The following KLHL29 variants were observed in gnomAD, a reference collection of about 807,000 sequenced individuals.
KLHL29 encodes the protein kelch like family member 29.
A neutral mutation model predicts 80.4 loss-of-function variants in KLHL29; 21 were observed. That is an observed-to-expected ratio of 0.26 (90% CI 0.19 to 0.38). KLHL29 has a LOEUF of 0.38. Ranked by LOEUF, KLHL29 falls within the 10% of genes least tolerant of loss-of-function variation. KLHL29 has a pLI of 1.00. For synonymous variants in KLHL29, 511 were observed against 526.8 expected (o/e 0.97, Z 0.41); for missense variants, 867 against 1,223.9 (o/e 0.71, Z 4.35).
chr2:23,679,459 A>G (rs957223298), intron 5 of KLHL29, among the ~76,000 whole-genome samples: 3 of 152,190 alleles, frequency 2.0e-5, no homozygotes, highest in Non-Finnish European at 4.4e-5. Flanking sequence ...AAAGCTTCTT[A>G]AGGCCGTGAC....
At chr2:23,651,685 C>T (rs1039420191) in intron 5 of KLHL29, among the ~76,000 whole-genome samples, 2 of 152,196 alleles carry the variant, frequency 1.3e-5, no homozygotes, top group African/African-American at 4.8e-5. Flanking sequence ...CAAAATGCCA[C>T]AAATTGGGTG....
chr2:23,628,381 T>C (rs1544822), intron 3 of KLHL29, among the ~76,000 whole-genome samples: 53,911 of 151,958 alleles, frequency 0.35, 10,392 homozygotes, highest in East Asian at 0.64. Flanking sequence ...GGGAAGGCCA[T>C]AGGGGGCAGA....
At chr2:23,496,286 C>G (rs1665264105) in intron 2 of KLHL29, among the ~76,000 whole-genome samples, 1 of 152,184 alleles carries the variant, frequency 6.6e-6, no homozygotes, top group Non-Finnish European at 1.5e-5. Context: ...ATGGTATTTT[C>G]AGAATAAGAT....
intron 2 of KLHL29, among the ~76,000 whole-genome samples, chr2:23,482,227 C>T (rs1190408858): frequency 1.3e-5 from 2 of 152,210 alleles, no homozygotes; most frequent in Non-Finnish European, 2.9e-5. Flanking sequence ...GGCGCACAGC[C>T]GTCCAGTCTA....
chr2:23,650,478 C>G (rs111817662), intron 5 of KLHL29, among the ~76,000 whole-genome samples: 1 of 152,128 alleles, frequency 6.6e-6, no homozygotes, highest in South Asian at 2.1e-4. Context: ...ACGCCAAGCC[C>G]GGGGAGCCTG....
At chr2:23,482,856 CATTCATTCA>C (rs1558354833) in intron 2 of KLHL29, among the ~76,000 whole-genome samples, 1 of 151,500 alleles carries the variant, frequency 6.6e-6, no homozygotes, top group African/African-American at 2.4e-5. Flanking sequence ...TTCATTCATT[CATTCATTCA>C]TTCATCCATC....
chr2:23,698,367 G>T (rs113188532), intron 11 of KLHL29, among the ~76,000 whole-genome samples: 3 of 152,174 alleles, frequency 2.0e-5, no homozygotes, highest in Non-Finnish European at 4.4e-5. Flanking sequence ...GGGAAGGAAC[G>T]CTCACTGCTT....
chr2:23,398,235 T>G (rs1414653892), intron 1 of KLHL29, among the ~76,000 whole-genome samples: 2 of 152,198 alleles, frequency 1.3e-5, no homozygotes, highest in African/African-American at 4.8e-5. Context: ...GATGAATGAA[T>G]AAACAAAATA....
intron 1 of KLHL29, among the ~76,000 whole-genome samples, chr2:23,449,904 G>A (rs544330449): frequency 6.6e-6 from 1 of 152,280 alleles, no homozygotes; most frequent in East Asian, 1.9e-4. Flanking sequence ...TATCTAGCGA[G>A]GCTCTGCCTA....
chr2:23,388,322 C>CT (rs373905297), intron 1 of KLHL29, among the ~76,000 whole-genome samples: 14 of 152,020 alleles, frequency 9.2e-5, no homozygotes, highest in East Asian at 7.7e-4. Flanking sequence ...GGATAAAAAC[C>CT]TTTTTTTTGT....
intron 1 of KLHL29, among the ~76,000 whole-genome samples, chr2:23,388,833 T>C (rs1297031738): frequency 6.6e-6 from 1 of 151,496 alleles, no homozygotes; most frequent in Non-Finnish European, 1.5e-5. Context: ...GATATGTATG[T>C]GTACATGGGT....
Position 23,385,342 on chromosome 2 carries a change from G to C in KLHL29, c.-592G>C, listed in dbSNP as rs1170790119. On this transcript the variant is annotated 5_prime_UTR_variant, in exon 1 of 14. Coordinates refer to ENST00000486442, the MANE Select transcript of KLHL29 (RefSeq NM_052920.2). The stretch of plus-strand genomic sequence containing the variant: ...CCCGTCCGCAGCCCCGGCGGTCGCC[G>C]CGCTTGAGCGCAGCCCCCGCCCGGA... The C allele has an allele frequency of 1.4e-5, 2 of 145,916 alleles. No homozygotes were observed. Among genetic ancestry groups the C allele is most frequent in the African/African-American group, 5.0e-5 (2 of 40,382 alleles). 9.0% of individuals were successfully genotyped at this position (145,916 alleles called of 1,614,324 possible).
chr2:23,455,841 C>T, intron 1 of KLHL29, among the ~76,000 whole-genome samples: 1 of 152,122 alleles, frequency 6.6e-6, no homozygotes, highest in East Asian at 1.9e-4. Context: ...TGCTGAAGCC[C>T]TAATTCCCAA....
chr2:23,536,960 GCT>G (rs1407658005), intron 2 of KLHL29, among the ~76,000 whole-genome samples: 1 of 136,894 alleles, frequency 7.3e-6, no homozygotes. Flanking sequence ...TCCCTCTCTC[GCT>G]CTCTCTCCTT....
At chr2:23,433,993 CTG>C (rs1441610816) in intron 1 of KLHL29, among the ~76,000 whole-genome samples, 1 of 152,080 alleles carries the variant, frequency 6.6e-6, no homozygotes, top group Admixed American at 6.5e-5. Context: ...GGGTATGTGT[CTG>C]TGGGTGTGTG....
intron 2 of KLHL29, among the ~76,000 whole-genome samples, chr2:23,539,247 G>T (rs1666764401): frequency 6.6e-6 from 1 of 152,164 alleles, no homozygotes; most frequent in African/African-American, 2.4e-5. Context: ...CAGCAGATTG[G>T]GAAGTATGCA....
At position 23,691,722 on chromosome 2, in the gene KLHL29, C is replaced by T. The variant is rs1572508210; in HGVS notation, c.1128C>T (p.Val376=). The change falls in exon 7 of 14, where the codon GTC becomes GTT. Residue 376 remains valine, a synonymous_variant. Transcript: ENST00000486442. The part of the protein sequence containing the change: ...GQGGREKLEL[V]LSNLQADVLE... ...GCGGCCGGGAGAAGCTGGAGCTCGTCCTGTCGAACCTGCAGGCAGACGTCC... is the reference window on the plus strand; with the variant it reads ...GCGGCCGGGAGAAGCTGGAGCTCGTTCTGTCGAACCTGCAGGCAGACGTCC... The T allele has an allele frequency of 1.9e-6, 3 of 1,551,804 alleles. No homozygotes were observed. In the East Asian group the frequency reaches 7.3e-5, roughly 38 times the overall value.
chr2:23,555,730 T>C (rs1278799974), intron 2 of KLHL29, among the ~76,000 whole-genome samples: 1 of 152,188 alleles, frequency 6.6e-6, no homozygotes, highest in Non-Finnish European at 1.5e-5. Context: ...CCCTTCACCG[T>C]CTCCTGGAGA....
At chr2:23,505,339 A>G (rs558523314) in intron 2 of KLHL29, among the ~76,000 whole-genome samples, 1 of 152,222 alleles carries the variant, frequency 6.6e-6, no homozygotes, top group Admixed American at 6.5e-5. Flanking sequence ...TGTTCTCTCG[A>G]GGCATGTGCT....
Sources: gnomAD v4.1 joint callset for allele counts (sites outside exome capture counted in the v4.1 genomes callset) on GRCh38, gnomAD v4.1.1 for gene constraint, MANE v1.5 for transcripts, NCBI Gene and HGNC (gene_info 2026-07-23, HGNC 2026-07-21) for gene names.